EPB41L4A: variants seen among roughly 807,000 people sequenced by gnomAD.
EPB41L4A encodes the protein band 4.1-like protein 4A.
A neutral mutation model predicts 108.6 loss-of-function variants in EPB41L4A; 100 were observed. That is an observed-to-expected ratio of 0.92 (90% CI 0.78 to 1.09). The LOEUF is 1.09. EPB41L4A is among the 50% of genes least tolerant of loss of function. The pLI, the probability that EPB41L4A is intolerant of heterozygous loss-of-function variation, is 0.00. For synonymous variants in EPB41L4A, 319 were observed against 289.0 expected (o/e 1.10, Z -1.05); for missense variants, 1,030 against 842.7 (o/e 1.22, Z -2.75).
At chr5:112,222,095 A>C (rs1748099860) in intron 12 of EPB41L4A, among the ~76,000 whole-genome samples, 1 of 152,222 alleles carries the variant, frequency 6.6e-6, no homozygotes, top group South Asian at 2.1e-4. Flanking sequence ...GATGCCCCAA[A>C]GAACTTACAC....
intron 1 of EPB41L4A, among the ~76,000 whole-genome samples, chr5:112,374,732 C>G (rs759807102): frequency 2.6e-5 from 4 of 152,256 alleles, no homozygotes; most frequent in Non-Finnish European, 5.9e-5. Context: ...ACATTCTATT[C>G]TATAAAAGAT....
At chr5:112,172,198 G>A (rs1760617511) in intron 18 of EPB41L4A, among the ~76,000 whole-genome samples, 1 of 152,148 alleles carries the variant, frequency 6.6e-6, no homozygotes, top group African/African-American at 2.4e-5. Context: ...ACTGTTAAAT[G>A]TAGATGTTCT....
chr5:112,388,047 G>A (rs777919570), intron 1 of EPB41L4A, among the ~76,000 whole-genome samples: 2 of 152,016 alleles, frequency 1.3e-5, no homozygotes, highest in Admixed American at 6.6e-5. Flanking sequence ...CCTCTCTAGG[G>A]GCCATGGCAC....
At chr5:112,367,130 C>A (rs1395526933) in intron 1 of EPB41L4A, among the ~76,000 whole-genome samples, 1 of 152,162 alleles carries the variant, frequency 6.6e-6, no homozygotes, top group African/African-American at 2.4e-5. Context: ...TGCTCCAGAA[C>A]TAGAGAGAGG....
chr5:112,278,377 G>A (rs1323465055), intron 3 of EPB41L4A, among the ~76,000 whole-genome samples: 1 of 151,342 alleles, frequency 6.6e-6, no homozygotes. Context: ...TCAGCCTCCC[G>A]AATAGCTGGG....
intron 12 of EPB41L4A, among the ~76,000 whole-genome samples, chr5:112,227,400 T>C (rs1449494579): frequency 1.3e-5 from 2 of 152,138 alleles, no homozygotes; most frequent in Non-Finnish European, 2.9e-5. Flanking sequence ...AGACATCCTT[T>C]TGGTTTAGGA....
Position 112,163,251 on chromosome 5 carries a change from G to A in EPB41L4A, c.*1739C>T, listed in dbSNP as rs982380897. ...TAGTGGAGGTGTCCATAACTGCTAG[G>A]TGTCCAGCTTGCACACTGATGAGCA... On this transcript the variant is annotated 3_prime_UTR_variant, in exon 23 of 23. Transcript: ENST00000261486. 1.3e-5 allele frequency: 2 copies of A among 152,210 alleles called. No homozygotes were observed. Among genetic ancestry groups the A allele is most frequent in the African/African-American group, 4.8e-5 (2 of 41,454 alleles). The allele number at this position is 152,210 out of a possible 1,614,324, so 9.4% of individuals were successfully genotyped here. A position where few individuals can be genotyped will look rare whatever the true frequency, so the allele number is the denominator to read the frequency against.
intron 2 of EPB41L4A, among the ~76,000 whole-genome samples, chr5:112,290,834 C>T (rs942234767): frequency 6.6e-6 from 1 of 152,128 alleles, no homozygotes; most frequent in South Asian, 2.1e-4. Context: ...CAGGGAGCTG[C>T]AAAGTAAGCA....
intron 13 of EPB41L4A, among the ~76,000 whole-genome samples, chr5:112,205,794 C>T (rs902306026): frequency 6.6e-6 from 1 of 152,152 alleles, no homozygotes; most frequent in Non-Finnish European, 1.5e-5. Context: ...GCAGGAGAGG[C>T]AGCAAGGGGA....
chr5:112,308,093 A>G (rs2150581056), intron 1 of EPB41L4A, among the ~76,000 whole-genome samples: 1 of 152,286 alleles, frequency 6.6e-6, no homozygotes, highest in South Asian at 2.1e-4. Flanking sequence ...AAACACTGAT[A>G]ACTACCTAAA....
At chr5:112,239,501 T>G in intron 11 of EPB41L4A, 159 bp downstream of exon 11, 1 of 438,832 alleles carries the variant, frequency 2.3e-6, no homozygotes, top group Non-Finnish European at 4.0e-6. Flanking sequence ...AAAATCATGT[T>G]TGTTGAGAAA....
chr5:112,298,744 C>T (rs1321385794), intron 2 of EPB41L4A, among the ~76,000 whole-genome samples: 1 of 152,106 alleles, frequency 6.6e-6, no homozygotes, highest in Non-Finnish European at 1.5e-5. Flanking sequence ...CTTTGAATGT[C>T]TGGCAGAATT....
chr5:112,319,329 T>A (rs375437104), intron 1 of EPB41L4A, among the ~76,000 whole-genome samples: 2 of 152,180 alleles, frequency 1.3e-5, no homozygotes, highest in South Asian at 4.1e-4. Context: ...TCCAAGTGAA[T>A]ATAAATACAT....
At chr5:112,214,390 T>C (rs1230066417) in intron 12 of EPB41L4A, among the ~76,000 whole-genome samples, 1 of 152,164 alleles carries the variant, frequency 6.6e-6, no homozygotes, top group Non-Finnish European at 1.5e-5. Flanking sequence ...ATATCAGACA[T>C]AAGAAAAGGG....
At chr5:112,407,245 T>C (rs770013030) in intron 1 of EPB41L4A, among the ~76,000 whole-genome samples, 4 of 152,176 alleles carry the variant, frequency 2.6e-5, no homozygotes, top group South Asian at 4.1e-4. Flanking sequence ...TTGAATACTA[T>C]TGACTTTTAA....
At chr5:112,199,192 G>A (rs1178084785) in intron 15 of EPB41L4A, among the ~76,000 whole-genome samples, 1 of 152,180 alleles carries the variant, frequency 6.6e-6, no homozygotes, top group Non-Finnish European at 1.5e-5. Flanking sequence ...CTAGTCTCAT[G>A]CCTGGGAGAT....
chr5:112,288,988 C>G (rs942874877), intron 2 of EPB41L4A, among the ~76,000 whole-genome samples: 4 of 152,080 alleles, frequency 2.6e-5, no homozygotes, highest in Admixed American at 6.6e-5. Context: ...GGGATAAGTG[C>G]ATTTTATATG....
At chr5:112,235,752 A>C (rs1749283938) in intron 11 of EPB41L4A, among the ~76,000 whole-genome samples, 1 of 152,162 alleles carries the variant, frequency 6.6e-6, no homozygotes. Flanking sequence ...AAACTTATAA[A>C]AATGACTCTG....
chr5:112,263,381 T>C (rs1357957607), intron 6 of EPB41L4A: 1 of 152,228 alleles, frequency 6.6e-6, no homozygotes, highest in Non-Finnish European at 1.5e-5. Flanking sequence ...CAACGTACCA[T>C]ACTTTTGAAA....
Sources: allele counts gnomAD v4.1 joint callset (sites outside exome capture counted in the v4.1 genomes callset), GRCh38; gene constraint gnomAD v4.1.1; transcripts MANE v1.5; gene names NCBI Gene and HGNC (gene_info 2026-07-23, HGNC 2026-07-21).